The following MAGI1 variants were observed in gnomAD, a reference collection of about 807,000 sequenced individuals.
MAGI1 encodes membrane associated guanylate kinase, WW and PDZ domain containing 1, also known as membrane-associated guanylate kinase, WW and PDZ domain-containing protein 1.
Under a neutral mutation model 139.9 loss-of-function variants are expected in MAGI1, and 58 were observed. The ratio of observed to expected loss-of-function variants is 0.41; its 90% CI spans 0.34 to 0.52. The LOEUF is 0.52. MAGI1 is among the 20% of genes least tolerant of loss of function. The probability of loss-of-function intolerance (pLI) is 0.12; values close to 1 mark genes in which losing one functional copy is unlikely to be tolerated. For synonymous variants in MAGI1, 812 were observed against 737.9 expected (o/e 1.10, Z -1.63); for missense variants, 1,874 against 1,901.6 (o/e 0.99, Z 0.27).
chr3:65,361,905 G>A (rs916748439), intron 21 of MAGI1, among the ~76,000 whole-genome samples: 1 of 152,178 alleles, frequency 6.6e-6, no homozygotes, highest in African/African-American at 2.4e-5. Context: ...AGCTTAAAAA[G>A]CAAACCCTTC....
intron 1 of MAGI1, among the ~76,000 whole-genome samples, chr3:65,729,623 C>A (rs1274140342): frequency 6.6e-6 from 1 of 152,164 alleles, no homozygotes. Flanking sequence ...CCCAGCAAGG[C>A]CAAATTCCTT....
chr3:65,949,045 C>A (rs2063672307), intron 1 of MAGI1, among the ~76,000 whole-genome samples: 1 of 152,194 alleles, frequency 6.6e-6, no homozygotes, highest in South Asian at 2.1e-4. Flanking sequence ...TCACATTGTG[C>A]TGTCAGACAC....
chr3:65,586,320 A>T (rs549838901), intron 2 of MAGI1, among the ~76,000 whole-genome samples: 1 of 152,208 alleles, frequency 6.6e-6, no homozygotes, highest in African/African-American at 2.4e-5. Flanking sequence ...ATATTCAGAA[A>T]AAAAGGCAAA....
intron 2 of MAGI1, among the ~76,000 whole-genome samples, chr3:65,498,425 A>AC (rs1392936448): frequency 3.3e-5 from 5 of 151,772 alleles, no homozygotes; most frequent in Admixed American, 2.0e-4. Flanking sequence ...ACAGCGTCCA[A>AC]CCCCCCAAAA....
intron 1 of MAGI1, among the ~76,000 whole-genome samples, chr3:65,973,201 T>A (rs2065093315): frequency 6.6e-6 from 1 of 152,120 alleles, no homozygotes; most frequent in African/African-American, 2.4e-5. Context: ...AAAGGCAATT[T>A]GTTCTCCTCT....
chr3:65,939,809 T>C (rs2063225358), intron 1 of MAGI1, among the ~76,000 whole-genome samples: 1 of 152,198 alleles, frequency 6.6e-6, no homozygotes, highest in Non-Finnish European at 1.5e-5. Flanking sequence ...GGAGCAAAGC[T>C]GACATTCCTC....
chr3:65,364,605 G>T, intron 20 of MAGI1, 60 bp downstream of exon 20: 1 of 1,438,846 alleles, frequency 7.0e-7, no homozygotes, highest in Non-Finnish European at 9.7e-7. Context: ...CATAAAAGTA[G>T]CTTGAGAAAG....
rs190636410 is a variant in MAGI1 at position 65,817,197 on chromosome 3, G to A, written c.314-195109C>T. Among the ~76,000 whole-genome samples the A allele has an allele frequency of 2.0e-5, 3 of 152,210 alleles. No individual in the cohort carries two copies. The East Asian group carries it at 5.8e-4, about 29-fold the overall frequency. ...GTCAATGGACTAATTCTGAAGATGT[G>A]CATATTCCCCAAAATTTTGATATAG... On this transcript the variant is annotated intron_variant, in intron 1 of 22. Coordinates refer to ENST00000402939, the MANE Select transcript of MAGI1 (RefSeq NM_001033057.2).
At chr3:65,366,712 T>C (rs570901801) in intron 18 of MAGI1, among the ~76,000 whole-genome samples, 6 of 152,300 alleles carry the variant, frequency 3.9e-5, no homozygotes, top group East Asian at 3.9e-4. Flanking sequence ...TCTAAGGAAA[T>C]TGGGGCAAAG....
intron 5 of MAGI1, among the ~76,000 whole-genome samples, chr3:65,469,284 A>G (rs1204388399): frequency 6.6e-6 from 1 of 152,166 alleles, no homozygotes; most frequent in African/African-American, 2.4e-5. Flanking sequence ...GTTTCAATCT[A>G]TACGAGTATA....
At chr3:65,515,073 A>T (rs545316075) in intron 2 of MAGI1, among the ~76,000 whole-genome samples, 1 of 140,280 alleles carries the variant, frequency 7.1e-6, no homozygotes, top group Non-Finnish European at 1.5e-5. Context: ...AAAACCAAAC[A>T]CCACATATTC....
intron 1 of MAGI1, among the ~76,000 whole-genome samples, chr3:65,843,316 G>A (rs975561698): frequency 6.6e-6 from 1 of 152,102 alleles, no homozygotes; most frequent in Non-Finnish European, 1.5e-5. Context: ...ATGATCCTGG[G>A]AGGAGATTCC....
chr3:65,722,889 T>G (rs1314844943), intron 1 of MAGI1, among the ~76,000 whole-genome samples: 1 of 149,210 alleles, frequency 6.7e-6, no homozygotes, highest in African/African-American at 2.5e-5. Flanking sequence ...CTTGTGGGGG[T>G]AGGGGAGGGG....
Position 65,381,873 on chromosome 3 carries a change from A to C in MAGI1, c.2701+4T>G. 1 of 1,605,472 alleles carries C rather than the reference A, an allele frequency of 6.2e-7. No homozygotes were observed. Among genetic ancestry groups the C allele is most frequent in the Non-Finnish European group, 8.5e-7 (1 of 1,175,852 alleles). ...CTGTCTGAAGGAATGAATGAAATAC[A>C]TACCCGCAAAAACCACTTTACGCCG... is the stretch of plus-strand genomic sequence containing the variant. On this transcript the variant is annotated splice_donor_region_variant and intron_variant, in intron 16 of 22. Coordinates refer to ENST00000402939, the MANE Select transcript of MAGI1 (RefSeq NM_001033057.2).
At chr3:65,880,540 A>G (rs1051504007) in intron 1 of MAGI1, among the ~76,000 whole-genome samples, 6 of 152,168 alleles carry the variant, frequency 3.9e-5, no homozygotes, top group African/African-American at 1.2e-4. Flanking sequence ...AACAAGAAAT[A>G]CTGCTGACTG....
rs371024222 is a variant in MAGI1 at position 65,961,949 on chromosome 3, AG to A, written c.313+76046del. ...AGTCTGGGAGCCACCTGAGCAAATC[AG>A]CTAAGTGCTTTGGAAAAAGCTATTT... is the stretch of plus-strand genomic sequence containing the variant. On this transcript the variant is annotated intron_variant, in intron 1 of 22. Coordinates refer to ENST00000402939, the MANE Select transcript of MAGI1 (RefSeq NM_001033057.2). 1.4e-4 allele frequency among the ~76,000 whole-genome samples: 22 copies of A among 152,254 alleles called. No homozygotes were observed. The East Asian group carries it at 3.1e-3, about 21-fold the overall frequency.
intron 1 of MAGI1, among the ~76,000 whole-genome samples, chr3:65,931,082 G>A (rs1229866790): frequency 7.1e-6 from 1 of 141,340 alleles, no homozygotes; most frequent in African/African-American, 2.4e-5. Context: ...TCCCAGGGTA[G>A]AGTGCAGTGG....
intron 1 of MAGI1, among the ~76,000 whole-genome samples, chr3:65,802,285 A>G (rs1575553815): frequency 1.3e-5 from 2 of 152,150 alleles, no homozygotes; most frequent in East Asian, 3.9e-4. Flanking sequence ...TCCTATCAGA[A>G]AAGGTCTGAA....
intron 1 of MAGI1, among the ~76,000 whole-genome samples, chr3:65,690,228 C>T (rs2088453863): frequency 1.3e-5 from 2 of 152,196 alleles, no homozygotes; most frequent in Non-Finnish European, 2.9e-5. Flanking sequence ...CAAATATATT[C>T]CTTGAGAATC....
Sources: gnomAD v4.1 joint callset for allele counts (sites outside exome capture counted in the v4.1 genomes callset) on GRCh38, gnomAD v4.1.1 for gene constraint, MANE v1.5 for transcripts, NCBI Gene and HGNC (gene_info 2026-07-23, HGNC 2026-07-21) for gene names.